Variants in OLFM3 observed in about 807,000 individuals in gnomAD.
The protein encoded by OLFM3 is olfactomedin 3.
A neutral mutation model predicts 48.6 loss-of-function variants in OLFM3; 20 were observed. The ratio of observed to expected loss-of-function variants is 0.41; its 90% confidence interval spans 0.29 to 0.60. The LOEUF (loss-of-function observed/expected upper bound fraction) is 0.60, where lower values mean the gene tolerates loss of function less well. Among genes scored for constraint, OLFM3 ranks in the 20% least tolerant of loss-of-function variants. The pLI, the probability that OLFM3 is intolerant of heterozygous loss-of-function variation, is 0.28. For missense variants in OLFM3, 437 were observed against 544.3 expected (o/e 0.80, Z 1.96); for synonymous variants, 222 against 198.1 (o/e 1.12, Z -1.01).
At chr1:101,973,089 G>A (rs2101098658) in intron 1 of OLFM3, among the ~76,000 whole-genome samples, 1 of 152,312 alleles carries the variant, frequency 6.6e-6, no homozygotes, top group Admixed American at 6.5e-5. Flanking sequence ...AGGGTCTTCA[G>A]AAAAACAGAA....
chr1:101,826,217 C>A (rs1043607406), intron 3 of OLFM3, among the ~76,000 whole-genome samples: 4 of 151,812 alleles, frequency 2.6e-5, no homozygotes, highest in Admixed American at 6.6e-5. Context: ...CTAGCCGTAA[C>A]AGGACTGAAG....
At chr1:101,989,373 G>A (rs1412112432) in intron 1 of OLFM3, among the ~76,000 whole-genome samples, 6 of 151,910 alleles carry the variant, frequency 3.9e-5, no homozygotes, top group African/African-American at 1.5e-4. Flanking sequence ...ATTTTTGAAT[G>A]TTGCCATTGA....
At chr1:101,974,805 A>G (rs890784581) in intron 1 of OLFM3, among the ~76,000 whole-genome samples, 4 of 152,200 alleles carry the variant, frequency 2.6e-5, no homozygotes, top group Non-Finnish European at 5.9e-5. Context: ...CAACTACAGT[A>G]TAAGCCCCAT....
chr1:101,879,431 T>G (rs892413751), intron 1 of OLFM3, among the ~76,000 whole-genome samples: 1 of 152,002 alleles, frequency 6.6e-6, no homozygotes, highest in East Asian at 1.9e-4. Context: ...ATATCTTAAA[T>G]TATTTGATGC....
intron 1 of OLFM3, among the ~76,000 whole-genome samples, chr1:101,881,267 A>G (rs904758120): frequency 5.9e-5 from 9 of 151,920 alleles, no homozygotes; most frequent in African/African-American, 2.2e-4. Context: ...TATTAAAAGT[A>G]AAATTTACTA....
chr1:101,806,285 T>C (rs1408983791), intron 4 of OLFM3, 103 bp from the exon 5 acceptor site: 4 of 790,564 alleles, frequency 5.1e-6, no homozygotes, highest in Non-Finnish European at 6.5e-6. Flanking sequence ...ACTAAGCCAA[T>C]CCATGGAATT....
Position 101,808,711 on chromosome 1 carries a change from C to T in OLFM3, c.593-2529G>A, listed in dbSNP as rs12091840. 5.7e-3 allele frequency among the ~76,000 whole-genome samples: 866 copies of T among 151,918 alleles called. 10 individuals carry two copies. Among genetic ancestry groups the T allele is most frequent in the African/African-American group, 0.019 (808 of 41,498 alleles). Reference sequence around the variant, plus strand: ...TGGTGGTTTCCCTGCCTACTCACCACAGAAAGAACTGCCAAGCCCTATCTT... The same window carrying T: ...TGGTGGTTTCCCTGCCTACTCACCATAGAAAGAACTGCCAAGCCCTATCTT... On this transcript the variant is annotated intron_variant, in intron 4 of 5. Coordinates refer to ENST00000370103, the MANE Select transcript of OLFM3 (RefSeq NM_058170.4).
intron 1 of OLFM3, among the ~76,000 whole-genome samples, chr1:101,871,284 G>T (rs1392279340): frequency 6.6e-6 from 1 of 151,968 alleles, no homozygotes; most frequent in East Asian, 1.9e-4. Flanking sequence ...ATAACAAAAT[G>T]CGTGTTGAAA....
chr1:101,936,354 C>A (rs1330635923), intron 1 of OLFM3, among the ~76,000 whole-genome samples: 1 of 151,938 alleles, frequency 6.6e-6, no homozygotes, highest in Non-Finnish European at 1.5e-5. Flanking sequence ...AAAAATGCAA[C>A]CCTCTTACAA....
intron 1 of OLFM3, among the ~76,000 whole-genome samples, chr1:101,960,044 G>A (rs959253182): frequency 6.6e-6 from 1 of 152,040 alleles, no homozygotes; most frequent in Non-Finnish European, 1.5e-5. Context: ...TTGCATTCTT[G>A]AAAAACCCTG....
At chr1:101,849,763 C>A (rs1656152747) in intron 1 of OLFM3, among the ~76,000 whole-genome samples, 1 of 152,156 alleles carries the variant, frequency 6.6e-6, no homozygotes, top group African/African-American at 2.4e-5. Context: ...TCCTTAGTGA[C>A]TGAATAAATG....
chr1:101,960,994 A>G (rs1197799548), intron 1 of OLFM3, among the ~76,000 whole-genome samples: 1 of 152,144 alleles, frequency 6.6e-6, no homozygotes, highest in East Asian at 1.9e-4. Flanking sequence ...AATAAGTTGA[A>G]CAGAAAGAAA....
intron 1 of OLFM3, among the ~76,000 whole-genome samples, chr1:101,865,723 G>A (rs1458738755): frequency 1.3e-5 from 2 of 152,192 alleles, no homozygotes; most frequent in Non-Finnish European, 2.9e-5. Context: ...GACACTGGCT[G>A]TAGTGCTATC....
At chr1:101,890,560 G>A (rs1010873074) in intron 1 of OLFM3, among the ~76,000 whole-genome samples, 1 of 151,960 alleles carries the variant, frequency 6.6e-6, no homozygotes, top group Admixed American at 6.6e-5. Context: ...ATATCACAAT[G>A]AGTCAGGAAT....
At chr1:101,946,561 C>T (rs898862695) in intron 1 of OLFM3, among the ~76,000 whole-genome samples, 5 of 152,048 alleles carry the variant, frequency 3.3e-5, no homozygotes, top group East Asian at 1.9e-4. Flanking sequence ...GTCAAAAAGA[C>T]GATAAGTGGC....
intron 1 of OLFM3, among the ~76,000 whole-genome samples, chr1:101,901,632 G>A (rs1231546294): frequency 6.6e-6 from 1 of 152,058 alleles, no homozygotes; most frequent in Admixed American, 6.6e-5. Flanking sequence ...GGACTAATAA[G>A]AGCCTGAACT....
chr1:101,954,775 C>T (rs1660240182), intron 1 of OLFM3, among the ~76,000 whole-genome samples: 1 of 151,954 alleles, frequency 6.6e-6, no homozygotes, highest in South Asian at 2.1e-4. Flanking sequence ...TGGGGTTAGT[C>T]AAAATTTAAA....
chr1:101,866,023 C>G (rs911508731), intron 1 of OLFM3, among the ~76,000 whole-genome samples: 3 of 152,076 alleles, frequency 2.0e-5, no homozygotes, highest in Non-Finnish European at 2.9e-5. Flanking sequence ...GAAGAGAAAA[C>G]AGCAATCATA....
Position 101,830,726 on chromosome 1 carries a change from T to C in OLFM3, c.318A>G (p.Ala106=), listed in dbSNP as rs759108310. ...KMETQMKGLK[A]KFRQIEDDRK... is the part of the protein sequence containing the mutation. The stretch of plus-strand genomic sequence containing the variant: ...GATCATCTTCAATCTGCCGAAATTT[T>C]GCCTTCAGCCCTTTCATTTGGGTTT... The change falls in exon 3 of 6, where the codon GCA becomes GCG. Residue 106 remains alanine, a synonymous_variant. Transcript: ENST00000370103. 1.2e-6 allele frequency: 2 copies of C among 1,614,222 alleles called. No individual in the cohort carries two copies. The highest frequency in any genetic ancestry group is 1.7e-6 in the Non-Finnish European group (2 of 1,180,032).
Sources: gnomAD v4.1 joint callset for allele counts (sites outside exome capture counted in the v4.1 genomes callset) on GRCh38, gnomAD v4.1.1 for gene constraint, MANE v1.5 for transcripts, NCBI Gene and HGNC (gene_info 2026-07-23, HGNC 2026-07-21) for gene names.